CCDC178: variants seen among roughly 807,000 people sequenced by gnomAD.
CCDC178 encodes coiled-coil domain-containing protein 178.
In CCDC178, 126 loss-of-function variants were observed where a neutral mutation model predicts 117.4. That is an observed-to-expected ratio of 1.07 (90% CI 0.93 to 1.24). The LOEUF (loss-of-function observed/expected upper bound fraction) is 1.24, where lower values mean the gene tolerates loss of function less well. Among genes scored for constraint, CCDC178 ranks in the 50% most tolerant of loss-of-function variants. CCDC178 has a pLI of 0.00. For missense variants in CCDC178, 1,030 were observed against 986.9 expected, an observed-to-expected ratio of 1.04 and a Z score of -0.59; for synonymous variants, 283 against 313.4, an observed-to-expected ratio of 0.90 and a Z score of 1.02.
At chr18:33,138,970 T>C (rs2058162606) in intron 20 of CCDC178, among the ~76,000 whole-genome samples, 1 of 152,188 alleles carries the variant, frequency 6.6e-6, no homozygotes, top group African/African-American at 2.4e-5. Flanking sequence ...ACCCAAATCA[T>C]ATCGTGAATT....
intron 14 of CCDC178, among the ~76,000 whole-genome samples, chr18:33,262,334 C>T (rs1014898358): frequency 6.6e-6 from 1 of 152,136 alleles, no homozygotes; most frequent in African/African-American, 2.4e-5. Flanking sequence ...TGTATTGTGC[C>T]ATACACAATC....
Position 33,344,289 on chromosome 18 carries a change from C to T in CCDC178, c.658+1922G>A, listed in dbSNP as rs1050262857. Among the ~76,000 whole-genome samples the T allele has an allele frequency of 6.9e-5, 8 of 116,586 alleles. No individual in the cohort carries two copies. In the East Asian group the frequency reaches 7.9e-4, roughly 11 times the overall value. 76.5% of individuals were successfully genotyped at this position (116,586 alleles called of 152,430 possible). A position where few individuals can be genotyped will look rare whatever the true frequency, so the allele number is the denominator to read the frequency against. On this transcript the variant is annotated intron_variant, in intron 9 of 22. Transcript: ENST00000383096. ...ACTGCAGTCCGCAGTCCGGCCTGGG[C>T]GACAGAGCGAGACTCCGTCTCAAAA... is the stretch of plus-strand genomic sequence containing the variant.
intron 15 of CCDC178, among the ~76,000 whole-genome samples, chr18:33,230,548 G>A (rs2144648473): frequency 6.6e-6 from 1 of 152,178 alleles, no homozygotes; most frequent in South Asian, 2.1e-4. Context: ...AAACAAGCTT[G>A]CTTTTGATCT....
intron 3 of CCDC178, among the ~76,000 whole-genome samples, chr18:33,407,287 T>C (rs902202772): frequency 1.1e-4 from 16 of 152,106 alleles, no homozygotes; most frequent in Admixed American, 3.3e-4. Flanking sequence ...ATTATCTCTA[T>C]GTTATTTCAA....
intron 20 of CCDC178, among the ~76,000 whole-genome samples, chr18:33,097,924 A>C (rs540438732): frequency 2.6e-5 from 4 of 152,076 alleles, no homozygotes; most frequent in African/African-American, 9.7e-5. Context: ...ATGATTCCAT[A>C]TCTCAGTATT....
At chr18:33,241,924 A>G (rs549018108) in intron 15 of CCDC178, among the ~76,000 whole-genome samples, 38 of 151,934 alleles carry the variant, frequency 2.5e-4, no homozygotes, top group African/African-American at 8.2e-4. Context: ...ATCATCTTAA[A>G]ATGTGTATGG....
intron 20 of CCDC178, among the ~76,000 whole-genome samples, chr18:33,172,571 A>G (rs271465): frequency 0.16 from 24,515 of 152,086 alleles, 2,758 homozygotes; most frequent in African/African-American, 0.32. Context: ...TTAAAACCTT[A>G]CTAGGGACAT....
intron 15 of CCDC178, among the ~76,000 whole-genome samples, chr18:33,237,811 G>T (rs1481695732): frequency 3.9e-5 from 6 of 152,022 alleles, no homozygotes; most frequent in Non-Finnish European, 7.4e-5. Flanking sequence ...AACATGGGTT[G>T]CCCTGAAGAC....
chr18:33,430,077 G>A (rs549089910), intron 2 of CCDC178, among the ~76,000 whole-genome samples: 1 of 152,214 alleles, frequency 6.6e-6, no homozygotes, highest in South Asian at 2.1e-4. Context: ...AATCATTTCA[G>A]ATATATCTGT....
intron 2 of CCDC178, among the ~76,000 whole-genome samples, chr18:33,421,019 T>C (rs2064017602): frequency 6.6e-6 from 1 of 152,054 alleles, no homozygotes; most frequent in Non-Finnish European, 1.5e-5. Context: ...GAGGAGATGG[T>C]GTGGAAGTGG....
chr18:33,411,496 G>A (rs1410210553), intron 3 of CCDC178, among the ~76,000 whole-genome samples: 1 of 152,048 alleles, frequency 6.6e-6, no homozygotes, highest in Non-Finnish European at 1.5e-5. Flanking sequence ...GCAAAGATAT[G>A]ACATTGCTAA....
intron 22 of CCDC178, among the ~76,000 whole-genome samples, chr18:32,940,653 T>G (rs1477989137): frequency 6.6e-6 from 1 of 152,058 alleles, no homozygotes; most frequent in Non-Finnish European, 1.5e-5. Context: ...ATAGTTATTT[T>G]TCCCGCTCCT....
At chr18:33,149,525 A>G (rs1366303808) in intron 20 of CCDC178, among the ~76,000 whole-genome samples, 1 of 152,186 alleles carries the variant, frequency 6.6e-6, no homozygotes, top group African/African-American at 2.4e-5. Flanking sequence ...TTTGTCATCT[A>G]CCAACACTAT....
At position 32,937,790 on chromosome 18, in the gene CCDC178, T is replaced by C; in HGVS notation, c.*221A>G. 1 of 496,724 alleles carries C rather than the reference T, an allele frequency of 2.0e-6. No individual in the cohort carries two copies. Among genetic ancestry groups the C allele is most frequent in the Non-Finnish European group, 3.6e-6 (1 of 277,996 alleles). The allele number at this position is 496,724 out of a possible 1,614,324, so 30.8% of individuals were successfully genotyped here. Reference sequence around the variant, plus strand: ...CCAATTGCAATCAGTCACCCAGAGCTGAAATTAGATCGTTCCTGACAGCAG... The same window carrying C: ...CCAATTGCAATCAGTCACCCAGAGCCGAAATTAGATCGTTCCTGACAGCAG... On this transcript the variant is annotated 3_prime_UTR_variant, in exon 23 of 23. Coordinates refer to ENST00000383096, the MANE Select transcript of CCDC178 (RefSeq NM_001105528.4).
Position 33,036,638 on chromosome 18 carries a change from G to A in CCDC178, c.2388+56123C>T, listed in dbSNP as rs773880131. ...GGTGGGAAACAACTTGGTGTACAAA[G>A]AGAACTGCACACAACTCGGTAATGC... On this transcript the variant is annotated intron_variant, in intron 21 of 22. Coordinates refer to ENST00000383096, the MANE Select transcript of CCDC178 (RefSeq NM_001105528.4). Among the ~76,000 whole-genome samples the A allele has an allele frequency of 1.2e-3, 181 of 152,048 alleles. 2 individuals are homozygous for A. The highest frequency in any genetic ancestry group is 7.7e-4 in the Non-Finnish European group (52 of 67,936).
intron 12 of CCDC178, among the ~76,000 whole-genome samples, chr18:33,285,092 T>C (rs1018458593): frequency 6.6e-6 from 1 of 152,128 alleles, no homozygotes; most frequent in Non-Finnish European, 1.5e-5. Context: ...CTAAAAATCG[T>C]TTCTTTTTAA....
chr18:33,106,243 T>A (rs2057703036), intron 20 of CCDC178, among the ~76,000 whole-genome samples: 1 of 151,658 alleles, frequency 6.6e-6, no homozygotes, highest in Non-Finnish European at 1.5e-5. Context: ...ACCCTGCCGA[T>A]GTCAAACCTA....
chr18:33,424,107 G>C (rs564991949), intron 2 of CCDC178, among the ~76,000 whole-genome samples: 61 of 151,960 alleles, frequency 4.0e-4, no homozygotes, highest in African/African-American at 1.4e-3. Flanking sequence ...CCAGTAAATA[G>C]TGCAAATATA....
rs115618725 is a variant in CCDC178, at chr18:33,252,610, T to C, written c.1410-7182A>G. ...CTGGTAAGACATAGCTAAATGGGTA[T>C]GAAAAACACAGCACCCTGTGGATTC... is the stretch of plus-strand genomic sequence containing the variant. On this transcript the variant is annotated intron_variant, in intron 14 of 22. Coordinates refer to ENST00000383096, the MANE Select transcript of CCDC178 (RefSeq NM_001105528.4). Among the ~76,000 whole-genome samples, 674 of 151,874 alleles carry C rather than the reference T, an allele frequency of 4.4e-3. 3 individuals are homozygous for C. Among genetic ancestry groups the C allele is most frequent in the African/African-American group, 0.016 (647 of 41,522 alleles).
Sources: gnomAD v4.1 joint callset for allele counts (sites outside exome capture counted in the v4.1 genomes callset) on GRCh38, gnomAD v4.1.1 for gene constraint, MANE v1.5 for transcripts, NCBI Gene and HGNC (gene_info 2026-07-23, HGNC 2026-07-21) for gene names.